The following DPP6 variants were observed in gnomAD, a reference collection of about 807,000 sequenced individuals.
DPP6 encodes dipeptidyl peptidase like 6, also known as A-type potassium channel modulatory protein DPP6.
A neutral mutation model predicts 122.6 loss-of-function variants in DPP6; 69 were observed. That is an observed-to-expected ratio of 0.56 (90% CI 0.46 to 0.69). The LOEUF is 0.69. DPP6 is among the 30% of genes least tolerant of loss of function. DPP6 has a pLI of 0.00. For synonymous variants in DPP6, 418 were observed against 433.1 expected (o/e 0.97, Z 0.43); for missense variants, 928 against 1,116.9 (o/e 0.83, Z 2.41).
chr7:154,663,712 T>TGCAGTCTTGCAAGGCACTGC (rs1321712838), intron 6 of DPP6, among the ~76,000 whole-genome samples: 1 of 53,780 alleles, frequency 1.9e-5, no homozygotes, highest in Non-Finnish European at 6.1e-5. Flanking sequence ...GTAGTGTTCA[T>TGCAGTCTTGCAAGGCACTGC]ATAGTCATGG....
At chr7:154,800,985 G>T (rs563007280) in intron 12 of DPP6, among the ~76,000 whole-genome samples, 2 of 151,956 alleles carry the variant, frequency 1.3e-5, no homozygotes, top group Non-Finnish European at 2.9e-5. Context: ...GTTTCAATGG[G>T]CAATAATTCA....
chr7:154,434,407 T>C (rs1586260310), intron 1 of DPP6, among the ~76,000 whole-genome samples: 1 of 152,164 alleles, frequency 6.6e-6, no homozygotes, highest in South Asian at 2.1e-4. Flanking sequence ...GCTTTCACCC[T>C]GAAGGTCCAG....
intron 1 of DPP6, among the ~76,000 whole-genome samples, chr7:154,091,923 A>G (rs889950733): frequency 1.3e-5 from 2 of 152,204 alleles, no homozygotes; most frequent in Admixed American, 6.5e-5. Context: ...AGTTCCATCT[A>G]GGACGTGTGG....
rs924585966 is a variant in DPP6 at position 154,755,885 on chromosome 7, G to A, written c.884-13532G>A. ...CATCGTGTGTCTTGGGTCCCCCTTC[G>A]TAATGATACTGTCCTCACCACGTCT... On this transcript the variant is annotated intron_variant, in intron 8 of 25. Transcript: ENST00000377770. The surrounding 1 kb of genome is among the most constrained non-coding windows in gnomAD (Gnocchi z 4.7). Among the ~76,000 whole-genome samples the A allele has an allele frequency of 9.9e-5, 15 of 152,174 alleles. No homozygotes were observed. The highest frequency in any genetic ancestry group is 3.3e-4 in the Admixed American group (5 of 15,284).
intron 1 of DPP6, among the ~76,000 whole-genome samples, chr7:154,034,574 TC>T (rs2129056052): frequency 6.6e-6 from 1 of 152,314 alleles, no homozygotes; most frequent in South Asian, 2.1e-4. Flanking sequence ...CAATGATTTC[TC>T]TTTTGCCTAC....
the DPP6 span, among the ~76,000 whole-genome samples, chr7:153,873,560 A>T: frequency 6.6e-6 from 1 of 152,204 alleles, no homozygotes; most frequent in Non-Finnish European, 1.5e-5. Flanking sequence ...AATAATACAA[A>T]ATAGAATTAC....
chr7:154,120,852 A>G (rs1807396713), intron 1 of DPP6, among the ~76,000 whole-genome samples: 1 of 152,202 alleles, frequency 6.6e-6, no homozygotes, highest in Non-Finnish European at 1.5e-5. Context: ...CCATCTTGTC[A>G]AAGAATCAAC....
intron 1 of DPP6, among the ~76,000 whole-genome samples, chr7:154,431,378 C>T (rs1818350634): frequency 6.6e-6 from 1 of 152,292 alleles, no homozygotes; most frequent in African/African-American, 2.4e-5. Flanking sequence ...CTCCAGGCCC[C>T]CAGCTCCAAA....
chr7:153,757,152 G>T, the DPP6 span, among the ~76,000 whole-genome samples: 1 of 152,170 alleles, frequency 6.6e-6, no homozygotes, highest in African/African-American at 2.4e-5. Flanking sequence ...AATTTCTTGT[G>T]CATGCCCTCC....
chr7:154,798,161 G>C (rs940663822), intron 12 of DPP6, among the ~76,000 whole-genome samples: 1 of 152,228 alleles, frequency 6.6e-6, no homozygotes, highest in African/African-American at 2.4e-5. Context: ...TGGCTTCCCA[G>C]CTGGCCACCT....
intron 1 of DPP6, among the ~76,000 whole-genome samples, chr7:153,898,609 A>G (rs922101048): frequency 3.3e-5 from 5 of 152,224 alleles, no homozygotes; most frequent in Admixed American, 3.3e-4. Context: ...CAAGAAAATG[A>G]AAACGAGAAT....
At chr7:154,828,069 G>A (rs2150513850) in intron 16 of DPP6, among the ~76,000 whole-genome samples, 1 of 152,242 alleles carries the variant, frequency 6.6e-6, no homozygotes, top group South Asian at 2.1e-4. Context: ...AATCTTCCTG[G>A]GACTATTTGC....
chr7:154,231,359 C>T (rs10258590), intron 1 of DPP6, among the ~76,000 whole-genome samples: 1 of 152,002 alleles, frequency 6.6e-6, no homozygotes, highest in Non-Finnish European at 1.5e-5. Flanking sequence ...GCTGAGCATC[C>T]CAGTTTTGGG....
chr7:154,781,361 C>T (rs1188741517), intron 10 of DPP6, among the ~76,000 whole-genome samples: 1 of 152,160 alleles, frequency 6.6e-6, no homozygotes, highest in Admixed American at 6.5e-5. Context: ...CCCTAAGGCG[C>T]GTTCTCTGTG....
At chr7:154,061,314 C>G (rs1801833808) in intron 1 of DPP6, among the ~76,000 whole-genome samples, 1 of 148,380 alleles carries the variant, frequency 6.7e-6, no homozygotes. Context: ...AGCCCCAGCC[C>G]TGGGGCTACC....
intron 15 of DPP6, among the ~76,000 whole-genome samples, chr7:154,805,284 C>T (rs1798626525): frequency 6.6e-6 from 1 of 151,920 alleles, no homozygotes. Context: ...CGGAGGAATT[C>T]TGCCCCCCCT....
intron 4 of DPP6, among the ~76,000 whole-genome samples, chr7:154,548,697 G>C (rs536878206): frequency 6.6e-6 from 1 of 152,250 alleles, no homozygotes; most frequent in East Asian, 1.9e-4. Context: ...GCCCTGACTA[G>C]ACATGGTGGT....
intron 13 of DPP6, among the ~76,000 whole-genome samples, chr7:154,802,381 G>A (rs915304579): frequency 1.1e-5 from 1 of 91,666 alleles, no homozygotes; most frequent in African/African-American, 2.8e-5. Context: ...GAATCGGGGT[G>A]GGGGCTGCGG....
At position 154,658,475 on chromosome 7, in the gene DPP6, A is replaced by G. The variant is rs117553486; in HGVS notation, c.681-10885A>G. Among the ~76,000 whole-genome samples, 2,547 of 152,306 alleles carry G rather than the reference A, an allele frequency of 0.017. 96 individuals are homozygous for G. The East Asian group carries it at 0.18, about 11-fold the overall frequency. ...GGAGGAAGTGCTGGCCGAGACGGAA[A>G]GGGGATGCCTGGTCATTGGAGACTG... is the stretch of plus-strand genomic sequence containing the variant. On this transcript the variant is annotated intron_variant, in intron 6 of 25. Coordinates refer to ENST00000377770, the MANE Select transcript of DPP6 (RefSeq NM_130797.4).
Sources: allele counts gnomAD v4.1 joint callset (sites outside exome capture counted in the v4.1 genomes callset), GRCh38; gene constraint gnomAD v4.1.1; non-coding constraint Gnocchi (gnomAD v3.1); transcripts MANE v1.5; gene names NCBI Gene and HGNC (gene_info 2026-07-23, HGNC 2026-07-21).